INTS11: variants seen among roughly 807,000 people sequenced by gnomAD.
INTS11 encodes integrator complex subunit 11.
Under a neutral mutation model 78.6 loss-of-function variants are expected in INTS11, and 77 were observed. That is an observed-to-expected ratio of 0.98 (90% CI 0.81 to 1.18). The LOEUF (loss-of-function observed/expected upper bound fraction) is 1.18, where lower values mean the gene tolerates loss of function less well. Ranked by LOEUF, INTS11 falls within the 50% of genes most tolerant of loss-of-function variation. The pLI, the probability that INTS11 is intolerant of heterozygous loss-of-function variation, is 0.00. For synonymous variants in INTS11, 441 were observed against 326.9 expected, an observed-to-expected ratio of 1.35 and a Z score of -3.77; for missense variants, 875 against 825.9, an observed-to-expected ratio of 1.06 and a Z score of -0.73.
In INTS11 at chr1:1,315,413, C is replaced by T. The variant is rs760073251; in HGVS notation, c.554G>A (p.Arg185Gln). The T allele has an allele frequency of 4.3e-6, 7 of 1,613,342 alleles. No individual in the cohort carries two copies. Among genetic ancestry groups the T allele is most frequent in the Admixed American group, 3.3e-5 (2 of 59,998 alleles). ...YTGDYNMTPDRHLGAAWIDKC... is the reference protein window; with the variant it reads ...YTGDYNMTPDQHLGAAWIDKC... The stretch of plus-strand genomic sequence containing the variant: ...ACCTCAGCCTACTTACCCTAAGTGT[C>T]GGTCTGGGGTCATGTTATAATCACC... The change falls in exon 6 of 17, where the codon CGA becomes CAA. Residue 185 changes from arginine (R) to glutamine (Q), a missense_variant. Coordinates refer to ENST00000435064, the MANE Select transcript of INTS11 (RefSeq NM_017871.6).
At chr1:1,320,734 T>C (rs1338381928) in intron 2 of INTS11, 1 of 720,444 alleles carries the variant, frequency 1.4e-6, no homozygotes, top group Middle Eastern at 2.3e-4. Flanking sequence ...CACTGACAGA[T>C]GTGAGCTGGA....
At chr1:1,319,722 C>A in intron 3 of INTS11, 198 bp from the exon 4 acceptor site, 2 of 578,408 alleles carry the variant, frequency 3.5e-6, no homozygotes, top group Admixed American at 6.4e-5. Flanking sequence ...AGGCAATAAG[C>A]AAACGGGAAA....
chr1:1,315,667 C>T lies in INTS11; in HGVS notation c.430-49G>A, dbSNP rs1375295773. On this transcript the variant is annotated intron_variant, in intron 4 of 16. Transcript: ENST00000435064. Reference sequence around the variant, plus strand: ...AGGCTGTGTCCTCACAGCAGAGGGGCGGGGAGTGAGGGAGGCGGGGGACGG... The same window carrying T: ...AGGCTGTGTCCTCACAGCAGAGGGGTGGGGAGTGAGGGAGGCGGGGGACGG... 9 of 708,080 alleles carry T rather than the reference C, an allele frequency of 1.3e-5. No homozygotes were observed. In the East Asian group the frequency reaches 1.6e-4, roughly 13 times the overall value. 43.9% of individuals were successfully genotyped at this position (708,080 alleles called of 1,614,324 possible). A position where few individuals can be genotyped will look rare whatever the true frequency, so the allele number is the denominator to read the frequency against.
In INTS11 at chr1:1,314,996, G is replaced by A; in HGVS notation, c.564-34C>T. On this transcript the variant is annotated intron_variant, in intron 6 of 16. Coordinates refer to ENST00000435064, the MANE Select transcript of INTS11 (RefSeq NM_017871.6). The surrounding 1 kb of genome is among the most constrained non-coding windows in gnomAD (Gnocchi z 4.2). Reference sequence around the variant, plus strand: ...CGGGGGTGGGGGTGTGAGCCACGATGCACTGTCCCCACGGTTGCAGGGCTG... The same window carrying A: ...CGGGGGTGGGGGTGTGAGCCACGATACACTGTCCCCACGGTTGCAGGGCTG... The A allele has an allele frequency of 6.2e-7, 1 of 1,605,426 alleles. No homozygotes were observed. Among genetic ancestry groups the A allele is most frequent in the Non-Finnish European group, 8.5e-7 (1 of 1,173,894 alleles).
intron 1 of INTS11, chr1:1,323,157 G>A (rs1428642014): frequency 2.6e-6 from 4 of 1,549,808 alleles, no homozygotes; most frequent in Non-Finnish European, 3.5e-6. Flanking sequence ...CGGGGCGGGG[G>A]GCACCCTCCG....
Position 1,312,500 on chromosome 1 carries a change from C to T in INTS11, c.1404G>A (p.Gly468=), listed in dbSNP as rs1031163499. Residue 468 remains glycine (G), a splice_region_variant and synonymous_variant, in exon 14 of 17, where the codon GGG becomes GGA. Transcript: ENST00000435064. The part of the protein sequence containing the change: ...LGLLKREMAQ[G]LLPEAKKPRL... The stretch of plus-strand genomic sequence containing the variant: ...GAGGCTTCTTGGCCTCAGGGAGCAG[C>T]CCTGCGGAGGAGGTGGCAGGAGCCA... The T allele has an allele frequency of 6.3e-7, 1 of 1,581,228 alleles. No homozygotes were observed. Among genetic ancestry groups the T allele is most frequent in the Non-Finnish European group, 8.6e-7 (1 of 1,164,378 alleles).
At chr1:1,323,953 T>C (rs1023267219) in intron 1 of INTS11, among the ~76,000 whole-genome samples, 1 of 3,122 alleles carries the variant, frequency 3.2e-4, no homozygotes. Flanking sequence ...GCTGAGGGTC[T>C]GGGGGTCTGC....
At chr1:1,316,029 T>G in intron 4 of INTS11, 2 of 255,312 alleles carry the variant, frequency 7.8e-6, no homozygotes, top group Admixed American at 5.1e-5. Flanking sequence ...AAGACAAGGT[T>G]CAGAATGTTG....
rs746897636 is a variant in INTS11, at chr1:1,312,116, G to T, written c.1639C>A (p.Pro547Thr). Residue 547 changes from proline (P) to threonine (T), a missense_variant, in exon 16 of 17, where the codon CCA (proline) becomes ACA (threonine). Physicochemically the swap from Pro to Thr is conservative, Grantham distance 38 (BLOSUM62 -1). Coordinates refer to ENST00000435064, the MANE Select transcript of INTS11 (RefSeq NM_017871.6). Reference protein sequence around the residue: ...VLKDHCVQHLPDGSVTVESVL... With the variant: ...VLKDHCVQHLTDGSVTVESVL... ...GACTCCACAGTCACAGAGCCGTCTG[G>T]GAGGTGCTGCACACAGTGGTCCTTC... The T allele has an allele frequency of 2.1e-5, 33 of 1,575,368 alleles. No individual in the cohort carries two copies. Among genetic ancestry groups the T allele is most frequent in the Non-Finnish European group, 2.8e-5 (32 of 1,158,698 alleles).
chr1:1,311,781 C>T lies in INTS11; in HGVS notation c.*78G>A, dbSNP rs1642176110. The T allele has an allele frequency of 4.2e-6, 6 of 1,426,226 alleles. No homozygotes were observed. The highest frequency in any genetic ancestry group is 5.7e-6 in the Non-Finnish European group (6 of 1,046,536). The allele number at this position is 1,426,226 out of a possible 1,614,324, so 88.3% of individuals were successfully genotyped here. ...CTGCAGGGTCTGTTCACCCAGGGCACCCACAGTCCTGAAGTGCAGGCCCAG... is the reference window on the plus strand; with the variant it reads ...CTGCAGGGTCTGTTCACCCAGGGCATCCACAGTCCTGAAGTGCAGGCCCAG... On this transcript the variant is annotated 3_prime_UTR_variant, in exon 17 of 17. Transcript: ENST00000435064.
intron 1 of INTS11, chr1:1,322,880 C>T: frequency 2.5e-6 from 3 of 1,209,482 alleles, no homozygotes; most frequent in Non-Finnish European, 3.1e-6. Context: ...AGGACTTCGG[C>T]TTTGATGATA....
chr1:1,321,117 T>C, intron 1 of INTS11, 24 bp from the exon 2 acceptor site: 1 of 1,575,716 alleles, frequency 6.3e-7, no homozygotes, highest in Non-Finnish European at 8.7e-7. Context: ...GGCAGATGAG[T>C]CACTGCTGCG....
In INTS11 at chr1:1,315,556, G is replaced by C; in HGVS notation, c.492C>G (p.Phe164Leu). 4 of 1,612,586 alleles carry C rather than the reference G, an allele frequency of 2.5e-6. No homozygotes were observed. The highest frequency in any genetic ancestry group is 3.4e-6 in the Non-Finnish European group (4 of 1,179,820). ...CAGACTCTGAGCCCACTTTAATCTGGAACATGGCTGCCCCCAGCACGTGGC... is the reference window on the plus strand; with the variant it reads ...CAGACTCTGAGCCCACTTTAATCTGCAACATGGCTGCCCCCAGCACGTGGC... The part of the protein sequence containing the change: ...YAGHVLGAAM[F>L]QIKVGSESVV... Residue 164 changes from phenylalanine (F) to leucine (L), a missense_variant, in exon 5 of 17, where the codon TTC becomes TTG. Transcript: ENST00000435064.
intron 10 of INTS11, 35 bp downstream of exon 10, chr1:1,313,474 A>G: frequency 6.2e-7 from 1 of 1,610,816 alleles, no homozygotes; most frequent in Non-Finnish European, 8.5e-7. Flanking sequence ...GTCGGCCTCC[A>G]GCTTCCAGAT....
In INTS11 at chr1:1,312,000, G is replaced by C. The variant is rs776417073; in HGVS notation, c.1737+18C>G. 10 of 1,587,124 alleles carry C rather than the reference G, an allele frequency of 6.3e-6. No homozygotes were observed. The highest frequency in any genetic ancestry group is 8.6e-6 in the Non-Finnish European group (10 of 1,167,098). ...TGATACCTGTGTTGACCGCGGTGGGGTGGGGGTCACCCCTTACCTGGTAGG... is the reference window on the plus strand; with the variant it reads ...TGATACCTGTGTTGACCGCGGTGGGCTGGGGGTCACCCCTTACCTGGTAGG... On this transcript the variant is annotated intron_variant, in intron 16 of 16. Transcript: ENST00000435064.
intron 3 of INTS11, 197 bp from the exon 4 acceptor site, chr1:1,319,721 G>A (rs1412061620): frequency 1.2e-5 from 7 of 579,096 alleles, no homozygotes; most frequent in Non-Finnish European, 2.1e-5. Flanking sequence ...AAGGCAATAA[G>A]CAAACGGGAA....
intron 2 of INTS11, 83 bp downstream of exon 2, chr1:1,320,913 C>T (rs1642907375): frequency 8.2e-7 from 1 of 1,223,736 alleles, no homozygotes; most frequent in African/African-American, 1.5e-5. Flanking sequence ...CCCACCACCC[C>T]ACTGTCCCGG....
intron 1 of INTS11, 74 bp from the exon 2 acceptor site, chr1:1,321,167 C>G (rs1206611148): frequency 5.0e-6 from 6 of 1,195,326 alleles, no homozygotes; most frequent in Non-Finnish European, 3.7e-6. Context: ...CTCTGCAGGA[C>G]CCCAGTGCAC....
rs748121981 is a variant in INTS11, at chr1:1,313,071, G to A, written c.1095C>T (p.Ser365=). The A allele has an allele frequency of 1.8e-5, 29 of 1,609,882 alleles. No individual in the cohort carries two copies. Among genetic ancestry groups the A allele is most frequent in the Middle Eastern group, 1.6e-4 (1 of 6,084 alleles). Reference sequence around the variant, plus strand: ...CCTCCATCTCGAGCTTCCGCTGCCCGCTGAGGATCTTGTGGCCGACGGTGC... The same window carrying A: ...CCTCCATCTCGAGCTTCCGCTGCCCACTGAGGATCTTGTGGCCGACGGTGC... ...VQGTVGHKIL[S]GQRKLEMEGR... Residue 365 remains serine (S), a synonymous_variant, in exon 11 of 17, where the codon AGC becomes AGT. Coordinates refer to ENST00000435064, the MANE Select transcript of INTS11 (RefSeq NM_017871.6).
Sources: allele counts gnomAD v4.1 joint callset (sites outside exome capture counted in the v4.1 genomes callset), GRCh38; gene constraint gnomAD v4.1.1; non-coding constraint Gnocchi (gnomAD v3.1); transcripts MANE v1.5; gene names NCBI Gene and HGNC (gene_info 2026-07-23, HGNC 2026-07-21).